The following POLE2 variants were observed in gnomAD, a reference collection of about 807,000 sequenced individuals.
POLE2 encodes DNA polymerase epsilon 2, accessory subunit, also known as DNA polymerase epsilon subunit 2.
POLE2 carries 56 observed loss-of-function variants against 79.4 expected under a neutral mutation model. That is an observed-to-expected ratio of 0.71 (90% CI 0.57 to 0.88). POLE2 has a LOEUF of 0.88. Among genes scored for constraint, POLE2 ranks in the 40% least tolerant of loss-of-function variants. The probability of loss-of-function intolerance (pLI) is 0.00; values close to 1 mark genes in which losing one functional copy is unlikely to be tolerated. For synonymous variants in POLE2, 212 were observed against 214.0 expected, an observed-to-expected ratio of 0.99 and a Z score of 0.08; for missense variants, 598 against 638.9, an observed-to-expected ratio of 0.94 and a Z score of 0.69.
chr14:49,653,009 G>A (rs1884388136), intron 15 of POLE2, among the ~76,000 whole-genome samples: 1 of 152,050 alleles, frequency 6.6e-6, no homozygotes, highest in Non-Finnish European at 1.5e-5. Context: ...AAACATGTGA[G>A]AGAAACCCCA....
At position 49,683,682 on chromosome 14, in the gene POLE2, T is replaced by G; in HGVS notation, c.80A>C (p.Lys27Thr). The change falls in exon 2 of 19, where the codon AAG (lysine) becomes ACG (threonine). Residue 27 changes from lysine to threonine, a missense_variant. Physicochemically the swap from Lys to Thr is moderately conservative, Grantham distance 78 (BLOSUM62 -1). Transcript: ENST00000216367. ...RGLLLRGEAI[K>T]YLTEALQSIS... ...AGACTGAAGAGCTTCTGTGAGGTAC[T>G]TAATAGCTTCACTAAGAAAAGGAAA... 1 of 1,536,754 alleles carries G rather than the reference T, an allele frequency of 6.5e-7. No individual in the cohort carries two copies. Among genetic ancestry groups the G allele is most frequent in the Non-Finnish European group, 9.0e-7 (1 of 1,117,292 alleles).
In POLE2 at chr14:49,643,623, G is replaced by A; in HGVS notation, c.*29C>T. ...ATATAGAGTTAAGCAGAAAACTGAT[G>A]AATTTTCTTCAGATGATCTTTAAGA... On this transcript the variant is annotated 3_prime_UTR_variant, in exon 19 of 19. Transcript: ENST00000216367. 1 of 1,256,766 alleles carries A rather than the reference G, an allele frequency of 8.0e-7. No homozygotes were observed. Among genetic ancestry groups the A allele is most frequent in the Non-Finnish European group, 1.1e-6 (1 of 882,458 alleles). 77.9% of individuals were successfully genotyped at this position (1,256,766 alleles called of 1,614,324 possible).
chr14:49,677,100 C>T (rs537275824), intron 3 of POLE2, among the ~76,000 whole-genome samples: 4 of 152,322 alleles, frequency 2.6e-5, no homozygotes, highest in African/African-American at 7.2e-5. Flanking sequence ...GGAGGGGTTA[C>T]AGGATGGACA....
At chr14:49,643,806 CA>C (rs1457479917) in intron 18 of POLE2, 136 bp from the exon 19 acceptor site, 9 of 313,834 alleles carry the variant, frequency 2.9e-5, no homozygotes, top group African/African-American at 1.8e-4. Context: ...GTTTCAAATT[CA>C]AAAGGAGACT....
At chr14:49,685,131 A>G (rs139845546) in intron 1 of POLE2, among the ~76,000 whole-genome samples, 27 of 152,332 alleles carry the variant, frequency 1.8e-4, no homozygotes, top group African/African-American at 6.0e-4. Flanking sequence ...GCTGATTACA[A>G]TATTAAACAA....
intron 6 of POLE2, among the ~76,000 whole-genome samples, chr14:49,667,130 G>A (rs1006233516): frequency 5.3e-5 from 8 of 151,884 alleles, no homozygotes; most frequent in Admixed American, 3.9e-4. Context: ...GGAGCTTGCA[G>A]TAAGCCGAGA....
chr14:49,661,642 A>C (rs1203329885), intron 10 of POLE2, among the ~76,000 whole-genome samples: 1 of 152,208 alleles, frequency 6.6e-6, no homozygotes, highest in Non-Finnish European at 1.5e-5. Context: ...CTGTAGACCT[A>C]TTTGCACTTA....
At chr14:49,648,890 CTGCCT>C (rs569183391) in intron 17 of POLE2, among the ~76,000 whole-genome samples, 420 of 152,278 alleles carry the variant, frequency 2.8e-3, no homozygotes, top group Non-Finnish European at 5.0e-3. Flanking sequence ...AGCCATCTTC[CTGCCT>C]CGGCCTCCCA....
At position 49,685,715 on chromosome 14, in the gene POLE2, T is replaced by A. The variant is rs149830608; in HGVS notation, c.69-2022A>T. 6.3e-3 allele frequency among the ~76,000 whole-genome samples: 953 copies of A among 151,958 alleles called. 19 individuals carry two copies. Among genetic ancestry groups the A allele is most frequent in the African/African-American group, 0.022 (913 of 41,426 alleles). On this transcript the variant is annotated intron_variant, in intron 1 of 18. Coordinates refer to ENST00000216367, the MANE Select transcript of POLE2 (RefSeq NM_002692.4). ...CTCACTGCAACCTTCACCTCCCGGG[T>A]TCAAGCGATTCTCTTGCCTCAGCCT...
intron 14 of POLE2, 42 bp downstream of exon 14, chr14:49,654,113 C>A: frequency 6.3e-7 from 1 of 1,591,186 alleles, no homozygotes; most frequent in Non-Finnish European, 8.6e-7. Flanking sequence ...TTAAGTTTTA[C>A]AAAATTTTCT....
chr14:49,654,522 C>G, intron 13 of POLE2: 1 of 451,416 alleles, frequency 2.2e-6, no homozygotes. Context: ...ACTATCATAT[C>G]GGAGAGTGAA....
chr14:49,655,075 TG>T lies in POLE2; in HGVS notation c.947del (p.Pro316GlnfsTer23). On this transcript the variant is annotated frameshift_variant, in exon 12 of 19. Transcript: ENST00000216367. LOFTEE classifies it high-confidence loss of function. ...AATTACCACACAGAATAAAGCAGGT[TG>T]GAGGTGCTGGTGAATAACCTAAACA... ...IMFAGYSPAP[P>X]TCFILCGNFS... 6.5e-7 allele frequency: 1 copy of T among 1,547,928 alleles called. No individual in the cohort carries two copies. The highest frequency in any genetic ancestry group is 1.8e-4 in the Middle Eastern group (1 of 5,650).
Position 49,646,302 on chromosome 14 carries a change from G to GTTTTTTTTTTTTTTTTTTTTTTT in POLE2, c.1565+968_1565+990dup, listed in dbSNP as rs1162033821. Among the ~76,000 whole-genome samples the GTTTTTTTTTTTTTTTTTTTTTTT allele has an allele frequency of 1.3e-4, 11 of 84,576 alleles. 1 individual carries two copies. Among genetic ancestry groups the GTTTTTTTTTTTTTTTTTTTTTTT allele is most frequent in the Non-Finnish European group, 1.9e-4 (9 of 48,298 alleles). The allele number at this position is 84,576 out of a possible 152,430, so 55.5% of individuals were successfully genotyped here. ...GATTTGGTCAGTTGTTTTTTTGTTG[G>GTTTTTTTTTTTTTTTTTTTTTTT]TTTTTTTTTTTTTTTTTTTTTTTTT... On this transcript the variant is annotated intron_variant, in intron 18 of 18. Coordinates refer to ENST00000216367, the MANE Select transcript of POLE2 (RefSeq NM_002692.4).
chr14:49,652,434 T>A (rs912095653), intron 15 of POLE2, among the ~76,000 whole-genome samples: 9 of 151,576 alleles, frequency 5.9e-5, no homozygotes, highest in African/African-American at 2.2e-4. Flanking sequence ...CTGGTACCAG[T>A]CCATGGTCTG....
chr14:49,652,153 A>C (rs1884294438), intron 15 of POLE2, among the ~76,000 whole-genome samples: 1 of 100,310 alleles, frequency 1.0e-5, no homozygotes, highest in Non-Finnish European at 2.2e-5. Context: ...ACACTGCGTT[A>C]AGAATAGAAT....
Position 49,650,325 on chromosome 14 carries a change from G to A in POLE2, c.1437C>T (p.Val479=), listed in dbSNP as rs1156465644. ...TGAAAGGATCATATTTGTCTGCAAT[G>A]ACAAGTAGATCGGGCACAGGATACA... is the stretch of plus-strand genomic sequence containing the variant. ...LRVYPVPDLL[V]IADKYDPFTT... The change falls in exon 17 of 19, where the codon GTC becomes GTT. Residue 479 remains valine, a synonymous_variant. Transcript: ENST00000216367. 2 of 1,611,156 alleles carry A rather than the reference G, an allele frequency of 1.2e-6. No individual in the cohort carries two copies. Among genetic ancestry groups the A allele is most frequent in the Non-Finnish European group, 1.7e-6 (2 of 1,178,404 alleles).
Position 49,683,739 on chromosome 14 carries a change from G to A in POLE2, c.69-46C>T, listed in dbSNP as rs373601974. 3 of 965,836 alleles carry A rather than the reference G, an allele frequency of 3.1e-6. No homozygotes were observed. The African/African-American group carries it at 4.9e-5, about 16-fold the overall frequency. 59.8% of individuals were successfully genotyped at this position (965,836 alleles called of 1,614,324 possible). On this transcript the variant is annotated intron_variant, in intron 1 of 18. Coordinates refer to ENST00000216367, the MANE Select transcript of POLE2 (RefSeq NM_002692.4). ...ATGAGGCAGGTCATTAGTAATTAAA[G>A]GCTAAAAGTTTTCTGCCAAAAAGCA...
At chr14:49,644,284 G>T (rs1173320928) in intron 18 of POLE2, among the ~76,000 whole-genome samples, 2 of 150,916 alleles carry the variant, frequency 1.3e-5, no homozygotes, top group Non-Finnish European at 3.0e-5. Flanking sequence ...GCAGAGGCGG[G>T]TGGATCACCT....
chr14:49,680,885 C>A (rs370768631), intron 2 of POLE2, among the ~76,000 whole-genome samples: 7 of 152,068 alleles, frequency 4.6e-5, no homozygotes, highest in Admixed American at 2.6e-4. Context: ...CCCGCCTCAG[C>A]CTCCCAAAAT....
Sources: allele counts gnomAD v4.1 joint callset (sites outside exome capture counted in the v4.1 genomes callset), GRCh38; gene constraint gnomAD v4.1.1; transcripts MANE v1.5; gene names NCBI Gene and HGNC (gene_info 2026-07-23, HGNC 2026-07-21).